The following POLRMT variants were observed in gnomAD, a reference collection of about 807,000 sequenced individuals.
POLRMT encodes RNA polymerase mitochondrial, also known as DNA-directed RNA polymerase, mitochondrial.
In POLRMT, 114 loss-of-function variants were observed where a neutral mutation model predicts 132.2. The observed-to-expected ratio is 0.86, with a 90% CI of 0.74 to 1.01. POLRMT has a LOEUF of 1.01. POLRMT is among the 50% of genes least tolerant of loss of function. The pLI is 0.00. For missense variants in POLRMT, 2,003 were observed against 1,729.1 expected (o/e 1.16, Z -2.81); for synonymous variants, 1,020 against 773.4 (o/e 1.32, Z -5.29).
Position 617,852 on chromosome 19 carries a change from G to A in POLRMT, c.3423-3C>T. 6.2e-7 allele frequency: 1 copy of A among 1,612,956 alleles called. No homozygotes were observed. Among genetic ancestry groups the A allele is most frequent in the Non-Finnish European group, 8.5e-7 (1 of 1,179,796 alleles). ...CAGAGACGAAGGTCAGGCCCTTCCTGTGGCAGAGCGGAGGACTCCTGAAGG... is the reference window on the plus strand; with the variant it reads ...CAGAGACGAAGGTCAGGCCCTTCCTATGGCAGAGCGGAGGACTCCTGAAGG... On this transcript the variant is annotated splice_region_variant and splice_polypyrimidine_tract_variant and intron_variant, in intron 17 of 20. Transcript: ENST00000588649.
At chr19:618,034 G>T (rs1000678728) in intron 17 of POLRMT, 185 bp from the exon 18 acceptor site, 6 of 607,608 alleles carry the variant, frequency 9.9e-6, no homozygotes, top group South Asian at 3.9e-5. Context: ...AGTACAGGGG[G>T]AGGAAATGTT....
rs1555678400 is a variant in POLRMT at position 633,529 on chromosome 19, G to GGAGCCGCCGCCGCCGCCGCCGCC, written c.-18_-17insGGCGGCGGCGGCGGCGGCGGCTC. ...TGCCGACATTACGCACGCCGCTCCA[G>GGAGCCGCCGCCGCCGCCGCCGCC]GCCACCCCACCGGCCCGCGCCTGCG... On this transcript the variant is annotated 5_prime_UTR_variant, in exon 1 of 21. Coordinates refer to ENST00000588649, the MANE Select transcript of POLRMT (RefSeq NM_005035.4). 1.4e-6 allele frequency: 2 copies of GGAGCCGCCGCCGCCGCCGCCGCC among 1,463,904 alleles called. No homozygotes were observed. The highest frequency in any genetic ancestry group is 3.0e-5 in the African/African-American group (2 of 66,422). 90.7% of individuals were successfully genotyped at this position (1,463,904 alleles called of 1,614,324 possible).
Position 621,330 on chromosome 19 carries a change from G to A in POLRMT, c.2368C>T (p.Arg790Trp), listed in dbSNP as rs752234162. The A allele has an allele frequency of 1.3e-5, 20 of 1,591,562 alleles. No individual in the cohort carries two copies. In the South Asian group the frequency reaches 2.1e-4, roughly 17 times the overall value. Residue 790 changes from arginine to tryptophan, a missense_variant, in exon 10 of 21, where the codon CGG becomes TGG. Coordinates refer to ENST00000588649, the MANE Select transcript of POLRMT (RefSeq NM_005035.4). ...TGCGGCAGCCAGAAGACGCGGTCCC[G>A]CAGGTGCTGCGCCAGCGAGAGGCGG... ...LYRLSLAQHLRDRVFWLPHNM... is the reference protein window; with the variant it reads ...LYRLSLAQHLWDRVFWLPHNM...
rs1555678404 is a variant in POLRMT at position 633,531 on chromosome 19, C to CGCCGCCGCCGCCGCCGCCGA, written c.-20_-19insTCGGCGGCGGCGGCGGCGGC. On this transcript the variant is annotated 5_prime_UTR_variant, in exon 1 of 21. Coordinates refer to ENST00000588649, the MANE Select transcript of POLRMT (RefSeq NM_005035.4). ...CCGACATTACGCACGCCGCTCCAGG[C>CGCCGCCGCCGCCGCCGCCGA]CACCCCACCGGCCCGCGCCTGCGCA... 1 of 1,438,914 alleles carries CGCCGCCGCCGCCGCCGCCGA rather than the reference C, an allele frequency of 6.9e-7. No homozygotes were observed. Among genetic ancestry groups the CGCCGCCGCCGCCGCCGCCGA allele is most frequent in the South Asian group, 1.9e-5 (1 of 53,640 alleles). 89.1% of individuals were successfully genotyped at this position (1,438,914 alleles called of 1,614,324 possible).
rs768379087 is a variant in POLRMT, at chr19:617,352, G to C, written c.3644-29C>G. The C allele has an allele frequency of 1.2e-5, 19 of 1,612,560 alleles. No homozygotes were observed. In the South Asian group the frequency reaches 2.1e-4, roughly 18 times the overall value. ...CGGAGGAAGCAGAGCGGACGGCGTGGGTGGCGGGAAAGCCCCGCCCTGGCC... is the reference window on the plus strand; with the variant it reads ...CGGAGGAAGCAGAGCGGACGGCGTGCGTGGCGGGAAAGCCCCGCCCTGGCC... On this transcript the variant is annotated intron_variant, in intron 20 of 20. Coordinates refer to ENST00000588649, the MANE Select transcript of POLRMT (RefSeq NM_005035.4).
At position 624,753 on chromosome 19, in the gene POLRMT, T is replaced by C. The variant is rs749862454; in HGVS notation, c.1106A>G (p.Asn369Ser). Residue 369 changes from asparagine (N) to serine (S), a missense_variant, in exon 5 of 21, where the codon AAC becomes AGC. By Grantham distance (46) the Asn-to-Ser change is conservative. Coordinates refer to ENST00000588649, the MANE Select transcript of POLRMT (RefSeq NM_005035.4). ...SLPPQLPPPV[N>S]TSKLLRDVYA... is the part of the protein sequence containing the mutation. ...CACGTCCCTGAGCAGCTTGGAGGTG[T>C]TGACCGGGGGCGGCAGCTGCGGCGG... The C allele has an allele frequency of 5.2e-5, 84 of 1,613,794 alleles. 1 individual carries two copies. Among genetic ancestry groups the C allele is most frequent in the East Asian group, 2.9e-4 (13 of 44,894 alleles).
At position 622,391 on chromosome 19, in the gene POLRMT, C is replaced by A; in HGVS notation, c.1627-18G>T. ...TCGGGCACCTGTAGGACAGGGCGGT[C>A]AGGGCGCTGGGCACCGGGGCCCCTG... On this transcript the variant is annotated intron_variant, in intron 8 of 20. Transcript: ENST00000588649. The A allele has an allele frequency of 6.5e-7, 1 of 1,535,976 alleles. No individual in the cohort carries two copies. Among genetic ancestry groups the A allele is most frequent in the South Asian group, 1.2e-5 (1 of 83,574 alleles).
At chr19:617,976 GC>G in intron 17 of POLRMT, 127 bp from the exon 18 acceptor site, 4 of 767,366 alleles carry the variant, frequency 5.2e-6, no homozygotes, top group Non-Finnish European at 6.5e-6. Flanking sequence ...TGCAGGCCTC[GC>G]CCCACCCCTC....
At chr19:619,491 G>C in intron 13 of POLRMT, 95 bp downstream of exon 13, 1 of 1,512,366 alleles carries the variant, frequency 6.6e-7, no homozygotes, top group South Asian at 1.2e-5. Flanking sequence ...GGAGCAGCCA[G>C]GGCTCCTGCT....
chr19:618,918 A>G (rs1984253317), intron 15 of POLRMT, 79 bp downstream of exon 15: 1 of 1,363,398 alleles, frequency 7.3e-7, no homozygotes. Flanking sequence ...GGGTGGTGGT[A>G]CGCTGGGGCA....
chr19:620,918 CGG>C (rs1984498034), intron 10 of POLRMT, 138 bp downstream of exon 10: 3 of 115,552 alleles, frequency 2.6e-5, no homozygotes, highest in African/African-American at 2.4e-4. Flanking sequence ...AGGAGGAAGA[CGG>C]GCAGGGGGCG....
In POLRMT at chr19:629,758, G is replaced by C. The variant is rs1320024439; in HGVS notation, c.604C>G (p.Leu202Val). 2 of 1,569,438 alleles carry C rather than the reference G, an allele frequency of 1.3e-6. No homozygotes were observed. The highest frequency in any genetic ancestry group is 1.7e-6 in the Non-Finnish European group (2 of 1,159,104). ...ARLLQEAPGK[L>V]SLDVEQAPSG... ...GGGGCCTGCTCCACATCGAGGCTCA[G>C]CTTCCCAGGGGCCTCCTGCAGCAGC... Residue 202 changes from leucine (L) to valine (V), a missense_variant, in exon 3 of 21, where the codon CTG becomes GTG. Transcript: ENST00000588649.
At chr19:631,509 C>T (rs1245863756) in intron 2 of POLRMT, among the ~76,000 whole-genome samples, 3 of 151,060 alleles carry the variant, frequency 2.0e-5, no homozygotes, top group East Asian at 4.0e-4. Context: ...CGTGGTGGTG[C>T]GCGCCTGTAG....
rs867983390 is a variant in POLRMT, at chr19:620,616, G to A, written c.2641-129C>T. ...CCGTGATAGTGAACACGGGACGCAT[G>A]TGGGCGAGAGACGGGGCGGTGGCTG... On this transcript the variant is annotated intron_variant, in intron 10 of 20. Transcript: ENST00000588649. 5.0e-6 allele frequency: 6 copies of A among 1,197,192 alleles called. No individual in the cohort carries two copies. The Middle Eastern group carries it at 1.1e-3, about 225-fold the overall frequency. 74.2% of individuals were successfully genotyped at this position (1,197,192 alleles called of 1,614,324 possible).
At chr19:625,391 A>T in intron 3 of POLRMT, 137 bp from the exon 4 acceptor site, 1 of 1,143,992 alleles carries the variant, frequency 8.7e-7, no homozygotes. Context: ...CCAGCTGGGC[A>T]GACCGATGCA....
At chr19:622,000 C>G (rs2238548) in intron 9 of POLRMT, 149 bp downstream of exon 9, 563,173 of 1,132,538 alleles carry the variant, frequency 0.5, 145,358 homozygotes, top group South Asian at 0.74. Flanking sequence ...CGGCCGGACA[C>G]CTGCATGGAC....
rs778880802 is a variant in POLRMT, at chr19:617,668, C to G, written c.3496-13G>C. Reference sequence around the variant, plus strand: ...GCTCCCGGCACACCTGGGCAGGAGTCAGAGGATCCCCAGGGGTGATCAGGC... The same window carrying G: ...GCTCCCGGCACACCTGGGCAGGAGTGAGAGGATCCCCAGGGGTGATCAGGC... On this transcript the variant is annotated splice_polypyrimidine_tract_variant and intron_variant, in intron 18 of 20. Coordinates refer to ENST00000588649, the MANE Select transcript of POLRMT (RefSeq NM_005035.4). The G allele has an allele frequency of 6.2e-7, 1 of 1,612,538 alleles. No individual in the cohort carries two copies. The highest frequency in any genetic ancestry group is 8.5e-7 in the Non-Finnish European group (1 of 1,179,916).
Position 617,399 on chromosome 19 carries a change from G to T in POLRMT, c.3643+20C>A, listed in dbSNP as rs374814253. Reference sequence around the variant, plus strand: ...GGCCCGCAGTTCGAGCCACCCTTGCGAGGCTGCCCACCCGCCTACCTGGCT... The same window carrying T: ...GGCCCGCAGTTCGAGCCACCCTTGCTAGGCTGCCCACCCGCCTACCTGGCT... On this transcript the variant is annotated intron_variant, in intron 20 of 20. Coordinates refer to ENST00000588649, the MANE Select transcript of POLRMT (RefSeq NM_005035.4). 4 of 1,612,318 alleles carry T rather than the reference G, an allele frequency of 2.5e-6. No individual in the cohort carries two copies. Among genetic ancestry groups the T allele is most frequent in the Non-Finnish European group, 3.4e-6 (4 of 1,179,766 alleles).
chr19:618,880 G>T, intron 15 of POLRMT, 117 bp downstream of exon 15: 1 of 1,370,858 alleles, frequency 7.3e-7, no homozygotes, highest in Non-Finnish European at 1.0e-6. Context: ...CGCGGGATGG[G>T]GTGGCACACT....
Sources: gnomAD v4.1 joint callset for allele counts (sites outside exome capture counted in the v4.1 genomes callset) on GRCh38, gnomAD v4.1.1 for gene constraint, MANE v1.5 for transcripts, NCBI Gene and HGNC (gene_info 2026-07-23, HGNC 2026-07-21) for gene names.